ZRANB3: variants seen among roughly 807,000 people sequenced by gnomAD.
The protein encoded by ZRANB3 is zinc finger RANBP2-type containing 3.
Under a neutral mutation model 133.8 loss-of-function variants are expected in ZRANB3, and 125 were observed. The ratio of observed to expected loss-of-function variants is 0.93; its 90% CI spans 0.81 to 1.08. The LOEUF (loss-of-function observed/expected upper bound fraction) is 1.08, where lower values mean the gene tolerates loss of function less well. Ranked by LOEUF, ZRANB3 falls within the 50% of genes least tolerant of loss-of-function variation. The pLI is 0.00. For synonymous variants in ZRANB3, 387 were observed against 432.7 expected, an observed-to-expected ratio of 0.89 and a Z score of 1.31; for missense variants, 1,229 against 1,275.5, an observed-to-expected ratio of 0.96 and a Z score of 0.56.
intron 2 of ZRANB3, among the ~76,000 whole-genome samples, chr2:135,424,060 T>C (rs1474337449): frequency 6.6e-6 from 1 of 152,128 alleles, no homozygotes; most frequent in Non-Finnish European, 1.5e-5. Context: ...CAAAACTCTG[T>C]TTAAAAAAGC....
At chr2:135,489,425 T>C (rs1444556148) in intron 2 of ZRANB3, among the ~76,000 whole-genome samples, 2 of 151,570 alleles carry the variant, frequency 1.3e-5, no homozygotes, top group Non-Finnish European at 2.9e-5. Flanking sequence ...AACCTGCACA[T>C]TGTGCACATG....
intron 2 of ZRANB3, among the ~76,000 whole-genome samples, chr2:135,415,420 C>A (rs1688520169): frequency 6.6e-6 from 1 of 152,174 alleles, no homozygotes; most frequent in Non-Finnish European, 1.5e-5. Flanking sequence ...GAAGTTGAAT[C>A]TCTGAACAGA....
intron 6 of ZRANB3, among the ~76,000 whole-genome samples, chr2:135,326,935 C>T (rs1683865773): frequency 1.3e-5 from 2 of 150,130 alleles, no homozygotes; most frequent in African/African-American, 4.9e-5. Flanking sequence ...ACAGTCCTTC[C>T]TTACTCTTTA....
chr2:135,271,430 ATATAAGACAGG>A (rs1323528658), intron 10 of ZRANB3: 1 of 478,372 alleles, frequency 2.1e-6, no homozygotes, highest in African/African-American at 2.0e-5. Context: ...GAAGGGTTGG[ATATAAGACAGG>A]TATAAGAAAA....
chr2:135,294,312 G>T (rs1445915774), intron 8 of ZRANB3, among the ~76,000 whole-genome samples: 2 of 152,134 alleles, frequency 1.3e-5, no homozygotes, highest in Admixed American at 1.3e-4. Flanking sequence ...CTTCTTCCTG[G>T]TTTAGTCTTG....
At chr2:135,514,644 T>G (rs879231670) in intron 1 of ZRANB3, among the ~76,000 whole-genome samples, 5 of 150,116 alleles carry the variant, frequency 3.3e-5, no homozygotes, top group African/African-American at 1.3e-4. Flanking sequence ...TTTCTCTTGC[T>G]TGATTGCCCT....
chr2:135,529,675 A>ATGTG (rs915647507), intron 1 of ZRANB3, among the ~76,000 whole-genome samples: 2 of 151,484 alleles, frequency 1.3e-5, no homozygotes, highest in Non-Finnish European at 2.9e-5. Context: ...CGTCCGGCTA[A>ATGTG]TGTGTGTGTG....
At chr2:135,230,158 G>C (rs1049558605) in intron 13 of ZRANB3, among the ~76,000 whole-genome samples, 1 of 152,122 alleles carries the variant, frequency 6.6e-6, no homozygotes, top group African/African-American at 2.4e-5. Flanking sequence ...AGCTACAGAG[G>C]AGAGAAAATA....
At position 135,442,249 on chromosome 2, in the gene ZRANB3, T is replaced by A. The variant is rs149409727; in HGVS notation, c.162-51429A>T. ...ACAGCAAAAGAAACTACCAGCAGAG[T>A]GAACAGGCAACCTACAGAATGGGAG... On this transcript the variant is annotated intron_variant, in intron 2 of 20. Coordinates refer to ENST00000264159, the MANE Select transcript of ZRANB3 (RefSeq NM_032143.4). 4.1e-3 allele frequency among the ~76,000 whole-genome samples: 617 copies of A among 151,918 alleles called. 5 individuals are homozygous for A. The highest frequency in any genetic ancestry group is 0.014 in the African/African-American group (589 of 41,410).
At chr2:135,382,623 C>T (rs2104914180) in intron 3 of ZRANB3, among the ~76,000 whole-genome samples, 1 of 152,314 alleles carries the variant, frequency 6.6e-6, no homozygotes, top group African/African-American at 2.4e-5. Flanking sequence ...GGAAGCCCAT[C>T]AGACTAACGG....
intron 3 of ZRANB3, among the ~76,000 whole-genome samples, chr2:135,381,462 G>C (rs959740016): frequency 6.6e-6 from 1 of 152,210 alleles, no homozygotes; most frequent in African/African-American, 2.4e-5. Context: ...GAAACCTCTG[G>C]AGACTTAAAT....
chr2:135,351,256 T>TATA (rs1685191402), intron 4 of ZRANB3, among the ~76,000 whole-genome samples: 3 of 149,828 alleles, frequency 2.0e-5, no homozygotes, highest in Admixed American at 6.7e-5. Flanking sequence ...TACAGAGACC[T>TATA]ATAATTTTCT....
At chr2:135,389,191 T>A (rs1687113181) in intron 3 of ZRANB3, among the ~76,000 whole-genome samples, 1 of 152,220 alleles carries the variant, frequency 6.6e-6, no homozygotes, top group African/African-American at 2.4e-5. Context: ...TATGTCTTGT[T>A]TCTCCAATTA....
chr2:135,445,818 G>GT (rs1689994745), intron 2 of ZRANB3, among the ~76,000 whole-genome samples: 1 of 148,906 alleles, frequency 6.7e-6, no homozygotes, highest in Admixed American at 6.7e-5. Context: ...AGAGGTTGCA[G>GT]TAAGTCGAGA....
At chr2:135,497,493 A>C (rs1271896242) in intron 2 of ZRANB3, among the ~76,000 whole-genome samples, 1 of 152,256 alleles carries the variant, frequency 6.6e-6, no homozygotes, top group Non-Finnish European at 1.5e-5. Context: ...AATTAGTAAA[A>C]TTAAAAATTC....
chr2:135,468,772 G>A (rs528867093), intron 2 of ZRANB3, among the ~76,000 whole-genome samples: 141 of 152,268 alleles, frequency 9.3e-4, no homozygotes, highest in African/African-American at 3.0e-3. Flanking sequence ...CATTAAGCTA[G>A]AAAGACAAAG....
chr2:135,251,101 A>G (rs976052411), intron 12 of ZRANB3, among the ~76,000 whole-genome samples: 1 of 152,220 alleles, frequency 6.6e-6, no homozygotes, highest in African/African-American at 2.4e-5. Flanking sequence ...CATCAGTGTT[A>G]CCTGGATGTA....
chr2:135,294,575 G>GT (rs964326436), intron 8 of ZRANB3, among the ~76,000 whole-genome samples: 3 of 151,926 alleles, frequency 2.0e-5, no homozygotes, highest in Non-Finnish European at 4.4e-5. Context: ...TTTTTGAAGG[G>GT]TTTTTTGTGT....
intron 8 of ZRANB3, among the ~76,000 whole-genome samples, chr2:135,312,194 TTTTA>T: frequency 7.1e-6 from 1 of 140,038 alleles, no homozygotes; most frequent in African/African-American, 3.0e-5. Context: ...TTTATTTTTA[TTTTA>T]TTTTATTTTA....
Sources: gnomAD v4.1 joint callset for allele counts (sites outside exome capture counted in the v4.1 genomes callset) on GRCh38, gnomAD v4.1.1 for gene constraint, MANE v1.5 for transcripts, NCBI Gene and HGNC (gene_info 2026-07-23, HGNC 2026-07-21) for gene names.